The following HS3ST3B1 variants were observed in gnomAD, a reference collection of about 807,000 sequenced individuals.
The protein encoded by HS3ST3B1 is heparan sulfate glucosamine 3-O-sulfotransferase 3B1.
Under a neutral mutation model 21.3 loss-of-function variants are expected in HS3ST3B1, and 13 were observed. The observed-to-expected ratio is 0.61, with a 90% CI of 0.40 to 0.97. The LOEUF (loss-of-function observed/expected upper bound fraction) is 0.97, where lower values mean the gene tolerates loss of function less well. Ranked by LOEUF, HS3ST3B1 falls within the 50% of genes least tolerant of loss-of-function variation. HS3ST3B1 has a pLI of 0.00. For synonymous variants in HS3ST3B1, 234 were observed against 254.8 expected (o/e 0.92, Z 0.78); for missense variants, 459 against 554.8 (o/e 0.83, Z 1.73).
intron 1 of HS3ST3B1, among the ~76,000 whole-genome samples, chr17:14,337,629 A>ACACCCAG (rs1268443130): frequency 2.1e-4 from 32 of 151,048 alleles, no homozygotes; most frequent in African/African-American, 6.8e-4. Context: ...GAGCCATTGC[A>ACACCCAG]CCTGACCTGC....
At chr17:14,324,012 G>A (rs1243125664) in intron 1 of HS3ST3B1, among the ~76,000 whole-genome samples, 1 of 152,136 alleles carries the variant, frequency 6.6e-6, no homozygotes, top group Non-Finnish European at 1.5e-5. Flanking sequence ...GAGAGAGGCA[G>A]TAATTATTCT....
At chr17:14,305,495 C>T (rs1909103661) in intron 1 of HS3ST3B1, 1 of 152,206 alleles carries the variant, frequency 6.6e-6, no homozygotes, top group African/African-American at 2.4e-5. Flanking sequence ...AAAATTAAAT[C>T]TGTAACTTTT....
chr17:14,314,767 C>T (rs1013189601), intron 1 of HS3ST3B1, among the ~76,000 whole-genome samples: 14 of 152,164 alleles, frequency 9.2e-5, no homozygotes, highest in Non-Finnish European at 1.8e-4. Context: ...CTCCCTGCCC[C>T]TTCCTGTCTC....
rs906326723 is a variant in HS3ST3B1, at chr17:14,348,055, C to G, written c.*2409C>G. On this transcript the variant is annotated 3_prime_UTR_variant, in exon 2 of 2. Transcript: ENST00000360954. ...ATCCAAGTCCTTCACCTGGTCTTGC[C>G]CTGTCTACTTTCTGATCATTCTGAT... is the stretch of plus-strand genomic sequence containing the variant. 3 of 152,176 alleles carry G rather than the reference C, an allele frequency of 2.0e-5. No homozygotes were observed. Among genetic ancestry groups the G allele is most frequent in the African/African-American group, 7.2e-5 (3 of 41,426 alleles). The allele number at this position is 152,176 out of a possible 1,614,324, so 9.4% of individuals were successfully genotyped here.
At chr17:14,316,118 G>A (rs997282401) in intron 1 of HS3ST3B1, among the ~76,000 whole-genome samples, 1 of 151,966 alleles carries the variant, frequency 6.6e-6, no homozygotes, top group Non-Finnish European at 1.5e-5. Flanking sequence ...CTGTGCTCCC[G>A]CTCTCTCTCC....
chr17:14,340,769 G>T (rs1179059010), intron 1 of HS3ST3B1, among the ~76,000 whole-genome samples: 2 of 152,102 alleles, frequency 1.3e-5, no homozygotes, highest in Admixed American at 1.3e-4. Context: ...TTTTAGGAGA[G>T]ACGAGGTTTC....
chr17:14,308,323 C>A (rs1409036518), intron 1 of HS3ST3B1, among the ~76,000 whole-genome samples: 1 of 152,174 alleles, frequency 6.6e-6, no homozygotes, highest in African/African-American at 2.4e-5. Flanking sequence ...GCTAATAAAA[C>A]CCACCATTAA....
chr17:14,317,699 T>TG (rs1311292658), intron 1 of HS3ST3B1, among the ~76,000 whole-genome samples: 1 of 151,772 alleles, frequency 6.6e-6, no homozygotes, highest in Non-Finnish European at 1.5e-5. Flanking sequence ...TGCCTGGGAT[T>TG]GGGGGAGAGA....
At chr17:14,312,780 A>AC (rs1488690995) in intron 1 of HS3ST3B1, among the ~76,000 whole-genome samples, 3 of 149,992 alleles carry the variant, frequency 2.0e-5, no homozygotes, top group African/African-American at 4.9e-5. Context: ...ACATTGACAC[A>AC]CCCCCACATT....
chr17:14,337,151 G>A (rs1910209425), intron 1 of HS3ST3B1, among the ~76,000 whole-genome samples: 1 of 152,100 alleles, frequency 6.6e-6, no homozygotes, highest in East Asian at 1.9e-4. Context: ...TTTTGATGAT[G>A]AAAGAATTAG....
intron 1 of HS3ST3B1, among the ~76,000 whole-genome samples, chr17:14,340,160 G>A (rs186103260): frequency 3.9e-5 from 6 of 152,164 alleles, no homozygotes; most frequent in Non-Finnish European, 8.8e-5. Context: ...ACTTCAGTCC[G>A]CCTCCTGAAC....
chr17:14,302,839 G>T (rs1908987887), intron 1 of HS3ST3B1, among the ~76,000 whole-genome samples: 1 of 152,234 alleles, frequency 6.6e-6, no homozygotes, highest in Non-Finnish European at 1.5e-5. Flanking sequence ...CCTGCCCTCG[G>T]TGCTGGGATA....
chr17:14,323,131 C>T (rs1285088538), intron 1 of HS3ST3B1, among the ~76,000 whole-genome samples: 1 of 152,092 alleles, frequency 6.6e-6, no homozygotes, highest in Non-Finnish European at 1.5e-5. Flanking sequence ...TGGTCTCGAA[C>T]TCCTAACCTG....
At chr17:14,338,431 C>T (rs1376111572) in intron 1 of HS3ST3B1, among the ~76,000 whole-genome samples, 1 of 150,802 alleles carries the variant, frequency 6.6e-6, no homozygotes, top group African/African-American at 2.5e-5. Context: ...GCCCATATAC[C>T]TTTCTTTGTT....
At chr17:14,311,090 A>ATTT (rs5819468) in intron 1 of HS3ST3B1, among the ~76,000 whole-genome samples, 1 of 148,334 alleles carries the variant, frequency 6.7e-6, no homozygotes. Context: ...TCTAACAAGG[A>ATTT]TTTTTTTTTT....
chr17:14,320,699 G>C (rs1208606863), intron 1 of HS3ST3B1, among the ~76,000 whole-genome samples: 1 of 152,170 alleles, frequency 6.6e-6, no homozygotes, highest in Non-Finnish European at 1.5e-5. Context: ...TGTGTTCCAG[G>C]TTCCACGTCT....
chr17:14,345,786 C>T lies in HS3ST3B1; in HGVS notation c.*140C>T, dbSNP rs1910552387. 6 of 1,083,398 alleles carry T rather than the reference C, an allele frequency of 5.5e-6. No homozygotes were observed. Among genetic ancestry groups the T allele is most frequent in the Non-Finnish European group, 7.7e-6 (6 of 778,806 alleles). 67.1% of individuals were successfully genotyped at this position (1,083,398 alleles called of 1,614,324 possible). A position where few individuals can be genotyped will look rare whatever the true frequency, so the allele number is the denominator to read the frequency against. ...TAATTCACTAAGCTGCCTAGCCACA[C>T]TCTTTAGAGAGTTAGCTTCATAATC... is the stretch of plus-strand genomic sequence containing the variant. On this transcript the variant is annotated 3_prime_UTR_variant, in exon 2 of 2. Transcript: ENST00000360954.
chr17:14,343,640 A>G (rs1668068521), intron 1 of HS3ST3B1, among the ~76,000 whole-genome samples: 1 of 152,188 alleles, frequency 6.6e-6, no homozygotes, highest in Admixed American at 6.5e-5. Flanking sequence ...TTCCAGTTGC[A>G]TTCATGTTAT....
chr17:14,301,651 T>C lies in HS3ST3B1; in HGVS notation c.133T>C (p.Tyr45His). 6.2e-7 allele frequency: 1 copy of C among 1,608,000 alleles called. No individual in the cohort carries two copies. The highest frequency in any genetic ancestry group is 2.2e-5 in the East Asian group (1 of 44,602). Residue 45 changes from tyrosine (Y) to histidine (H), a missense_variant, in exon 1 of 2, where the codon TAT becomes CAT. Around this residue, in one of 3 missense-constraint regions of HS3ST3B1, gnomAD observed 317 missense variants for 278.6 expected, o/e 1.14. Coordinates refer to ENST00000360954, the MANE Select transcript of HS3ST3B1 (RefSeq NM_006041.3). Reference protein sequence around the residue: ...LLFAMLCVWLYMFLYSCAGSC... With the variant: ...LLFAMLCVWLHMFLYSCAGSC... Reference sequence around the variant, plus strand: ...CTTCGCCATGCTCTGCGTCTGGCTCTATATGTTCCTGTACTCGTGCGCCGG... The same window carrying C: ...CTTCGCCATGCTCTGCGTCTGGCTCCATATGTTCCTGTACTCGTGCGCCGG...
Sources: allele counts gnomAD v4.1 joint callset (sites outside exome capture counted in the v4.1 genomes callset), GRCh38; gene constraint gnomAD v4.1.1; regional missense constraint gnomAD v4.1.1; transcripts MANE v1.5; gene names NCBI Gene and HGNC (gene_info 2026-07-23, HGNC 2026-07-21).